The following CTIF variants were observed in gnomAD, a reference collection of about 807,000 sequenced individuals.
The protein encoded by CTIF is CBP80/20-dependent translation initiation factor.
CTIF carries 21 observed loss-of-function variants against 66.0 expected under a neutral mutation model. The ratio of observed to expected loss-of-function variants is 0.32; its 90% CI spans 0.23 to 0.46. CTIF has a LOEUF of 0.46. Ranked by LOEUF, CTIF falls within the 20% of genes least tolerant of loss-of-function variation. The probability of loss-of-function intolerance (pLI) is 1.00; values close to 1 mark genes in which losing one functional copy is unlikely to be tolerated. For missense variants in CTIF, 739 were observed against 812.7 expected, an observed-to-expected ratio of 0.91 and a Z score of 1.10; for synonymous variants, 345 against 326.4, an observed-to-expected ratio of 1.06 and a Z score of -0.62.
intron 1 of CTIF, among the ~76,000 whole-genome samples, chr18:48,582,086 C>T (rs745838875): frequency 6.6e-6 from 1 of 151,660 alleles, no homozygotes; most frequent in East Asian, 1.9e-4. Context: ...CCGTCTGTTT[C>T]AAGAAGTGGG....
At chr18:48,601,344 A>C (rs1484760525) in intron 1 of CTIF, among the ~76,000 whole-genome samples, 2 of 152,234 alleles carry the variant, frequency 1.3e-5, no homozygotes, top group Admixed American at 1.3e-4. Context: ...TCAATTTAGC[A>C]GCCTTCTGAT....
At chr18:48,625,338 G>A (rs1370913800) in intron 2 of CTIF, 1 of 340,874 alleles carries the variant, frequency 2.9e-6, no homozygotes, top group Non-Finnish European at 4.1e-6. Flanking sequence ...AGTACTTTAT[G>A]CATACATTCC....
intron 1 of CTIF, chr18:48,540,235 G>A (rs1331840975): frequency 3.3e-5 from 5 of 152,220 alleles, no homozygotes; most frequent in Admixed American, 2.0e-4. Flanking sequence ...GCCCGGCGGA[G>A]AGGGGTTCAC....
At chr18:48,810,271 G>A (rs936840702) in intron 9 of CTIF, among the ~76,000 whole-genome samples, 3 of 151,986 alleles carry the variant, frequency 2.0e-5, no homozygotes, top group Admixed American at 2.0e-4. Context: ...CTACCATATT[G>A]GATAACATTG....
chr18:48,784,559 G>A (rs944511252), intron 9 of CTIF, among the ~76,000 whole-genome samples: 1 of 152,058 alleles, frequency 6.6e-6, no homozygotes, highest in African/African-American at 2.4e-5. Context: ...TCTCCTGGTT[G>A]GCATCTTTGG....
At chr18:48,603,624 TGGAA>T (rs1337072393) in intron 1 of CTIF, among the ~76,000 whole-genome samples, 19 of 149,550 alleles carry the variant, frequency 1.3e-4, no homozygotes, top group Admixed American at 1.3e-3. Flanking sequence ...GGTGGATGGA[TGGAA>T]GGATGGATGG....
At chr18:48,694,826 A>G (rs1160792243) in intron 6 of CTIF, among the ~76,000 whole-genome samples, 2 of 152,254 alleles carry the variant, frequency 1.3e-5, no homozygotes, top group East Asian at 3.8e-4. Flanking sequence ...TCGATTGTCT[A>G]ATTTACTAAA....
At chr18:48,606,700 G>T (rs1441193633) in intron 1 of CTIF, among the ~76,000 whole-genome samples, 1 of 152,178 alleles carries the variant, frequency 6.6e-6, no homozygotes, top group Non-Finnish European at 1.5e-5. Context: ...GCACATTGAG[G>T]GAGTGGAGCT....
chr18:48,546,443 T>G (rs1452202703), intron 1 of CTIF, among the ~76,000 whole-genome samples: 1 of 152,174 alleles, frequency 6.6e-6, no homozygotes, highest in African/African-American at 2.4e-5. Context: ...TTTAGAATAC[T>G]TTTAGTACCA....
At chr18:48,645,148 G>A (rs1013091773) in intron 3 of CTIF, among the ~76,000 whole-genome samples, 8 of 151,994 alleles carry the variant, frequency 5.3e-5, no homozygotes, top group African/African-American at 9.7e-5. Flanking sequence ...AAGAAGACTC[G>A]GAGAGGTGGA....
intron 9 of CTIF, among the ~76,000 whole-genome samples, chr18:48,771,611 C>T (rs1450730930): frequency 2.6e-5 from 4 of 152,222 alleles, no homozygotes; most frequent in African/African-American, 9.6e-5. Flanking sequence ...TGGCCGGGCA[C>T]TGCCCTGTCT....
intron 3 of CTIF, among the ~76,000 whole-genome samples, chr18:48,653,746 C>A (rs191773028): frequency 6.6e-6 from 1 of 152,190 alleles, no homozygotes; most frequent in African/African-American, 2.4e-5. Flanking sequence ...CTACAGTAAC[C>A]AAAACAGCAT....
In CTIF at chr18:48,619,684, T is replaced by C; in HGVS notation, c.119T>C (p.Leu40Pro). The C allele has an allele frequency of 6.2e-7, 1 of 1,608,456 alleles. No homozygotes were observed. Reference sequence around the variant, plus strand: ...GTGCTGGAGTACCAGGTGCAGGGGCTGCTGGCTGACAAGACGGAGGGTGAT... The same window carrying C: ...GTGCTGGAGTACCAGGTGCAGGGGCCGCTGGCTGACAAGACGGAGGGTGAT... ...SYVLEYQVQGLLADKTEGDGE... is the reference protein window; with the variant it reads ...SYVLEYQVQGPLADKTEGDGE... Residue 40 changes from leucine (L) to proline (P), a missense_variant, in exon 2 of 12, where the codon CTG (leucine) becomes CCG (proline). Coordinates refer to ENST00000256413, the MANE Select transcript of CTIF (RefSeq NM_014772.3).
intron 9 of CTIF, among the ~76,000 whole-genome samples, chr18:48,808,734 T>A (rs985306761): frequency 9.2e-5 from 14 of 152,244 alleles, no homozygotes; most frequent in Admixed American, 9.2e-4. Flanking sequence ...TTCTAGGCTA[T>A]CTGATCTAGC....
At chr18:48,764,260 G>A (rs1193377165) in intron 9 of CTIF, among the ~76,000 whole-genome samples, 1 of 152,218 alleles carries the variant, frequency 6.6e-6, no homozygotes, top group Non-Finnish European at 1.5e-5. Flanking sequence ...TATTTCTAGT[G>A]TGCCAGGCAC....
intron 9 of CTIF, among the ~76,000 whole-genome samples, chr18:48,800,662 T>C (rs1555696265): frequency 6.6e-6 from 1 of 152,100 alleles, no homozygotes; most frequent in South Asian, 2.1e-4. Flanking sequence ...TCTGCGGAGG[T>C]GCTCCCCTGG....
At chr18:48,635,820 C>T (rs751055782) in intron 2 of CTIF, among the ~76,000 whole-genome samples, 24 of 152,184 alleles carry the variant, frequency 1.6e-4, no homozygotes, top group Non-Finnish European at 3.1e-4. Context: ...TCTTTCATCC[C>T]AGCCTCCCAG....
chr18:48,726,600 T>G (rs2092389299), intron 7 of CTIF, among the ~76,000 whole-genome samples: 1 of 152,136 alleles, frequency 6.6e-6, no homozygotes, highest in African/African-American at 2.4e-5. Flanking sequence ...ATAGGGCTGT[T>G]CATGACATAG....
At chr18:48,787,417 A>C (rs991135589) in intron 9 of CTIF, among the ~76,000 whole-genome samples, 1 of 152,156 alleles carries the variant, frequency 6.6e-6, no homozygotes, top group Non-Finnish European at 1.5e-5. Context: ...GAGGAGACTC[A>C]CATCTCAGAA....
Sources: gnomAD v4.1 joint callset for allele counts (sites outside exome capture counted in the v4.1 genomes callset) on GRCh38, gnomAD v4.1.1 for gene constraint, MANE v1.5 for transcripts, NCBI Gene and HGNC (gene_info 2026-07-23, HGNC 2026-07-21) for gene names.